Variants in MTUS1 observed in about 807,000 individuals in gnomAD.
The protein encoded by MTUS1 is microtubule associated scaffold protein 1.
A neutral mutation model predicts 120.8 loss-of-function variants in MTUS1; 109 were observed. That is an observed-to-expected ratio of 0.90 (90% confidence interval 0.77 to 1.06). The LOEUF (loss-of-function observed/expected upper bound fraction) is 1.06. Ranked by LOEUF, MTUS1 falls within the 50% of genes least tolerant of loss-of-function variation. MTUS1 has a pLI of 0.00. For missense variants in MTUS1, 2,210 were observed against 1,486.3 expected (o/e 1.49, Z -8.01); for synonymous variants, 737 against 550.5 (o/e 1.34, Z -4.74).
intron 2 of MTUS1, among the ~76,000 whole-genome samples, chr8:17,752,619 C>G (rs2048286356): frequency 6.6e-6 from 1 of 150,616 alleles, no homozygotes; most frequent in African/African-American, 2.5e-5. Context: ...ACGGACCTGA[C>G]AATTCCCTCC....
chr8:17,705,619 A>G (rs1563236494), intron 6 of MTUS1: 1 of 152,222 alleles, frequency 6.6e-6, no homozygotes, highest in Non-Finnish European at 1.5e-5. Flanking sequence ...ACAACAGTGA[A>G]AAAACAGCCT....
At chr8:17,788,549 C>T (rs1008484619) in intron 1 of MTUS1, among the ~76,000 whole-genome samples, 3 of 152,146 alleles carry the variant, frequency 2.0e-5, no homozygotes, top group African/African-American at 4.8e-5. Flanking sequence ...CAGTAGGGTA[C>T]GACAGCCACA....
At chr8:17,683,388 G>T (rs889825668) in intron 7 of MTUS1, among the ~76,000 whole-genome samples, 1 of 152,194 alleles carries the variant, frequency 6.6e-6, no homozygotes, top group Admixed American at 6.5e-5. Context: ...CCATATTACA[G>T]GGGCCTCTGT....
At position 17,794,363 on chromosome 8, in the gene MTUS1, A is replaced by G. The variant is rs545132535; in HGVS notation, c.-155+6698T>C. Reference sequence around the variant, plus strand: ...GATAAAAGAAAAAAAAATCAAACATAATATTCTAACAGCAAGGATTTTTAC... The same window carrying G: ...GATAAAAGAAAAAAAAATCAAACATGATATTCTAACAGCAAGGATTTTTAC... On this transcript the variant is annotated intron_variant, in intron 1 of 14. Transcript: ENST00000693296. 8.5e-5 allele frequency among the ~76,000 whole-genome samples: 13 copies of G among 152,198 alleles called. No individual in the cohort carries two copies. In the East Asian group the frequency reaches 2.5e-3, roughly 29 times the overall value.
intron 8 of MTUS1, among the ~76,000 whole-genome samples, chr8:17,660,913 A>C (rs1047826357): frequency 1.3e-5 from 2 of 152,166 alleles, no homozygotes; most frequent in African/African-American, 4.8e-5. Context: ...AGAACCCAAA[A>C]AGACAGACGG....
chr8:17,674,320 T>G (rs1010178548), intron 8 of MTUS1: 2 of 245,122 alleles, frequency 8.2e-6, no homozygotes, highest in African/African-American at 4.6e-5. Flanking sequence ...CTCGGAAGGC[T>G]GAGGCAGGAG....
At chr8:17,658,986 A>C (rs896818764) in intron 8 of MTUS1, among the ~76,000 whole-genome samples, 2 of 152,152 alleles carry the variant, frequency 1.3e-5, no homozygotes, top group African/African-American at 4.8e-5. Flanking sequence ...AATCCCCAAA[A>C]CAAAAACTAT....
chr8:17,668,344 A>G (rs1397428667), intron 8 of MTUS1, among the ~76,000 whole-genome samples: 4 of 152,200 alleles, frequency 2.6e-5, no homozygotes, highest in African/African-American at 9.6e-5. Context: ...TTAGATGAAA[A>G]GTCTGATTCC....
At chr8:17,788,741 CA>C (rs1397626195) in intron 1 of MTUS1, among the ~76,000 whole-genome samples, 1 of 152,032 alleles carries the variant, frequency 6.6e-6, no homozygotes, top group Non-Finnish European at 1.5e-5. Flanking sequence ...GAGGAAGGAA[CA>C]AAATAAAGCC....
intron 1 of MTUS1, among the ~76,000 whole-genome samples, chr8:17,799,931 T>C (rs2052544727): frequency 6.6e-6 from 1 of 151,224 alleles, no homozygotes; most frequent in African/African-American, 2.5e-5. Flanking sequence ...ATGGAATATA[T>C]TGCCTATGAA....
chr8:17,753,944 T>C lies in MTUS1; in HGVS notation c.1864A>G (p.Asn622Asp), dbSNP rs768066969. 5 of 1,614,226 alleles carry C rather than the reference T, an allele frequency of 3.1e-6. No homozygotes were observed. In the Admixed American group the frequency reaches 8.3e-5, roughly 27 times the overall value. ...ACGGACCCGGTCTCGCATGCTGAGTTAGAAGAACTGGCTTTGTCAACATCT... is the reference window on the plus strand; with the variant it reads ...ACGGACCCGGTCTCGCATGCTGAGTCAGAAGAACTGGCTTTGTCAACATCT... ...QEDVDKASSS[N>D]SACETGSVSA... Residue 622 changes from asparagine (N) to aspartate (D), a missense_variant, in exon 2 of 15, where the codon AAC (asparagine) becomes GAC (aspartate). By Grantham distance (23) the Asn-to-Asp change is conservative. Coordinates refer to ENST00000693296, the MANE Select transcript of MTUS1 (RefSeq NM_001363059.2).
At chr8:17,739,605 A>T (rs1488507198) in intron 3 of MTUS1, among the ~76,000 whole-genome samples, 2 of 152,210 alleles carry the variant, frequency 1.3e-5, no homozygotes, top group African/African-American at 2.4e-5. Flanking sequence ...GCTGGTCTGA[A>T]TCCCACCTCT....
intron 3 of MTUS1, among the ~76,000 whole-genome samples, chr8:17,738,970 C>G (rs2904733): frequency 9.1e-4 from 138 of 151,406 alleles, no homozygotes; most frequent in African/African-American, 3.3e-3. Flanking sequence ...GAGACCCCCC[C>G]ATCTCTACAA....
chr8:17,688,533 T>C (rs1347961023), intron 6 of MTUS1, among the ~76,000 whole-genome samples: 4 of 152,256 alleles, frequency 2.6e-5, no homozygotes, highest in Non-Finnish European at 5.9e-5. Context: ...GAGAGGTCTC[T>C]CTCTGCTAGC....
At chr8:17,686,291 T>C (rs569258926) in intron 6 of MTUS1, among the ~76,000 whole-genome samples, 2 of 152,354 alleles carry the variant, frequency 1.3e-5, no homozygotes, top group East Asian at 3.9e-4. Flanking sequence ...GGTGGTGATG[T>C]AATATATGAC....
chr8:17,785,005 G>C (rs886430798), intron 1 of MTUS1, among the ~76,000 whole-genome samples: 2 of 151,994 alleles, frequency 1.3e-5, no homozygotes, highest in East Asian at 1.9e-4. Context: ...GGCTGGTCTT[G>C]AACTCCTGGC....
chr8:17,781,088 T>C (rs1168538945), intron 1 of MTUS1: 1 of 152,194 alleles, frequency 6.6e-6, no homozygotes, highest in Admixed American at 6.5e-5. Flanking sequence ...CCCTGAAGGC[T>C]TCAAGGAATA....
At chr8:17,724,194 C>G in intron 3 of MTUS1, 1 of 443,582 alleles carries the variant, frequency 2.3e-6, no homozygotes, top group Middle Eastern at 3.4e-4. Flanking sequence ...ATTGATACGA[C>G]CCCCCATACT....
At chr8:17,743,057 T>C (rs1034785229) in intron 3 of MTUS1, among the ~76,000 whole-genome samples, 15 of 152,262 alleles carry the variant, frequency 9.9e-5, no homozygotes, top group East Asian at 5.8e-4. Context: ...TTAATAGCTA[T>C]TCTTGAGGCG....
Sources: gnomAD v4.1 joint callset for allele counts (sites outside exome capture counted in the v4.1 genomes callset) on GRCh38, gnomAD v4.1.1 for gene constraint, MANE v1.5 for transcripts, NCBI Gene and HGNC (gene_info 2026-07-23, HGNC 2026-07-21) for gene names.